Variants in SMARCA2 observed in about 807,000 individuals in gnomAD.
The protein encoded by SMARCA2 is SWI/SNF-related matrix-associated actin-dependent regulator of chromatin subfamily A member 2.
A neutral mutation model predicts 199.8 loss-of-function variants in SMARCA2; 61 were observed. The ratio of observed to expected loss-of-function variants is 0.31; its 90% CI spans 0.25 to 0.38. SMARCA2 has a LOEUF of 0.38. SMARCA2 is among the 10% of genes least tolerant of loss of function. The pLI is 1.00. For synonymous variants in SMARCA2, 935 were observed against 732.0 expected, an observed-to-expected ratio of 1.28 and a Z score of -4.48; for missense variants, 1,344 against 2,012.2, an observed-to-expected ratio of 0.67 and a Z score of 6.35.
chr9:2,102,409 C>G (rs890769221), intron 22 of SMARCA2, among the ~76,000 whole-genome samples: 1 of 152,102 alleles, frequency 6.6e-6, no homozygotes, highest in Non-Finnish European at 1.5e-5. Flanking sequence ...GAACAGTTCT[C>G]AGAGTGGAGG....
At chr9:2,117,180 C>T (rs1301737968) in intron 25 of SMARCA2, among the ~76,000 whole-genome samples, 1 of 150,520 alleles carries the variant, frequency 6.6e-6, no homozygotes, top group Non-Finnish European at 1.5e-5. Flanking sequence ...AAGCCAGAGA[C>T]TGTCTGTATA....
chr9:2,108,844 C>G (rs138362255), intron 23 of SMARCA2, among the ~76,000 whole-genome samples: 40 of 152,286 alleles, frequency 2.6e-4, no homozygotes, highest in African/African-American at 8.2e-4. Flanking sequence ...GCTCCTCCTC[C>G]AAAATCTAAA....
chr9:2,041,022 A>C (rs919394434), intron 4 of SMARCA2: 3 of 226,990 alleles, frequency 1.3e-5, no homozygotes, highest in Non-Finnish European at 2.5e-5. Context: ...GTTTCCATTC[A>C]TTTAGGCAAG....
chr9:2,061,048 C>G, intron 9 of SMARCA2, 62 bp downstream of exon 9: 3 of 1,476,876 alleles, frequency 2.0e-6, no homozygotes, highest in Admixed American at 2.0e-5. Flanking sequence ...GTTTTTAAGG[C>G]GAGTATTGCT....
At chr9:2,144,702 G>A (rs554720508) in intron 27 of SMARCA2, among the ~76,000 whole-genome samples, 25 of 152,306 alleles carry the variant, frequency 1.6e-4, no homozygotes, top group Middle Eastern at 3.4e-3. Context: ...AAAATTAACA[G>A]CCTTCCTGAA....
intron 1 of SMARCA2, among the ~76,000 whole-genome samples, chr9:2,026,140 C>T (rs1028675055): frequency 6.6e-6 from 1 of 152,178 alleles, no homozygotes; most frequent in African/African-American, 2.4e-5. Flanking sequence ...ACCCAGGTCT[C>T]TCAGCTCCCA....
intron 23 of SMARCA2, among the ~76,000 whole-genome samples, chr9:2,107,879 AT>A (rs1822829847): frequency 6.6e-6 from 1 of 152,154 alleles, no homozygotes; most frequent in South Asian, 2.1e-4. Context: ...AAGAGAAAAG[AT>A]TTATTCACAA....
intron 19 of SMARCA2, among the ~76,000 whole-genome samples, chr9:2,088,855 G>A (rs1224001980): frequency 7.1e-6 from 1 of 141,044 alleles, no homozygotes; most frequent in African/African-American, 2.8e-5. Flanking sequence ...AATTCACTGA[G>A]TCTCATTTAC....
rs1013346305 is a variant in SMARCA2 at position 2,110,061 on chromosome 9, G to C, written c.3293-193G>C. ...ATGCCTCATTAGAAATGTTTAAGCT[G>C]TTTCTTTCTTTTTTTTTGTAATTGC... On this transcript the variant is annotated intron_variant, in intron 23 of 33. Coordinates refer to ENST00000349721, the MANE Select transcript of SMARCA2 (RefSeq NM_003070.5). The surrounding 1 kb of genome is among the most constrained non-coding windows in gnomAD (Gnocchi z 4.8). 1.3e-5 allele frequency among the ~76,000 whole-genome samples: 2 copies of C among 152,014 alleles called. No homozygotes were observed. Among genetic ancestry groups the C allele is most frequent in the South Asian group, 4.1e-4 (2 of 4,822 alleles).
chr9:2,085,608 CTT>C (rs1821767496), intron 17 of SMARCA2: 1 of 151,470 alleles, frequency 6.6e-6, no homozygotes, highest in South Asian at 2.1e-4. Flanking sequence ...TCCTTAAACA[CTT>C]TTCTTAGAGG....
intron 14 of SMARCA2, among the ~76,000 whole-genome samples, chr9:2,078,929 A>T (rs1332143885): frequency 6.6e-6 from 1 of 152,174 alleles, no homozygotes; most frequent in African/African-American, 2.4e-5. Flanking sequence ...TCGGCAACAG[A>T]GTGAGACTCT....
intron 27 of SMARCA2, among the ~76,000 whole-genome samples, chr9:2,142,763 T>A (rs879478022): frequency 2.6e-5 from 4 of 152,178 alleles, no homozygotes; most frequent in Admixed American, 6.5e-5. Flanking sequence ...TCTGGCTTAT[T>A]TTTATTCACT....
intron 31 of SMARCA2, among the ~76,000 whole-genome samples, chr9:2,184,421 C>T (rs10965120): frequency 0.094 from 13,771 of 146,796 alleles, 778 homozygotes; most frequent in African/African-American, 0.16. Context: ...GGTGCCATCT[C>T]GGCTCGCTGC....
chr9:2,128,805 T>G (rs1398412665), intron 27 of SMARCA2, among the ~76,000 whole-genome samples: 1 of 152,150 alleles, frequency 6.6e-6, no homozygotes, highest in Non-Finnish European at 1.5e-5. Context: ...TCCTTTCCAC[T>G]CAGTCTCTGC....
At chr9:2,185,532 G>C (rs1413974643) in intron 31 of SMARCA2, among the ~76,000 whole-genome samples, 1 of 152,124 alleles carries the variant, frequency 6.6e-6, no homozygotes. Flanking sequence ...CCCAGAAGTG[G>C]GGCTGCTGGA....
intron 27 of SMARCA2, chr9:2,160,522 A>G: frequency 1.5e-6 from 1 of 661,686 alleles, no homozygotes; most frequent in Non-Finnish European, 2.8e-6. Context: ...TACATAAGTG[A>G]AAGAAATTAT....
At chr9:2,082,706 C>G (rs753062909) in intron 15 of SMARCA2, among the ~76,000 whole-genome samples, 1 of 152,182 alleles carries the variant, frequency 6.6e-6, no homozygotes, top group Non-Finnish European at 1.5e-5. Flanking sequence ...GATCTCAATG[C>G]TGATATGAAC....
At chr9:2,136,191 T>C (rs1178669965) in intron 27 of SMARCA2, among the ~76,000 whole-genome samples, 1 of 151,244 alleles carries the variant, frequency 6.6e-6, no homozygotes, top group East Asian at 1.9e-4. Flanking sequence ...TGCTTCTTTT[T>C]TTTTTTTTTT....
At chr9:2,156,826 T>C (rs185987465) in intron 27 of SMARCA2, among the ~76,000 whole-genome samples, 1 of 152,324 alleles carries the variant, frequency 6.6e-6, no homozygotes, top group East Asian at 1.9e-4. Flanking sequence ...AACTTTTCCG[T>C]TATCTCAAAC....
Sources: allele counts gnomAD v4.1 joint callset (sites outside exome capture counted in the v4.1 genomes callset), GRCh38; gene constraint gnomAD v4.1.1; non-coding constraint Gnocchi (gnomAD v3.1); transcripts MANE v1.5; gene names NCBI Gene and HGNC (gene_info 2026-07-23, HGNC 2026-07-21).